Variants in LBP observed in about 807,000 individuals in gnomAD.
LBP encodes lipopolysaccharide-binding protein.
Under a neutral mutation model 56.6 loss-of-function variants are expected in LBP, and 53 were observed. The observed-to-expected ratio is 0.94, with a 90% CI of 0.75 to 1.18. The LOEUF (loss-of-function observed/expected upper bound fraction) is 1.18, where lower values mean the gene tolerates loss of function less well. Among genes scored for constraint, LBP ranks in the 50% most tolerant of loss-of-function variants. The pLI is 0.00. For missense variants in LBP, 601 were observed against 598.3 expected (o/e 1.00, Z -0.05); for synonymous variants, 227 against 247.5 (o/e 0.92, Z 0.78).
At position 38,373,980 on chromosome 20, in the gene LBP, T is replaced by A; in HGVS notation, c.1368T>A (p.Val456=). 1 of 1,614,072 alleles carries A rather than the reference T, an allele frequency of 6.2e-7. No individual in the cohort carries two copies. Among genetic ancestry groups the A allele is most frequent in the Non-Finnish European group, 8.5e-7 (1 of 1,179,960 alleles). ...EGFPLPLLKR[V]QLYDLGLQIH... is the part of the protein sequence containing the mutation. ...TCCCCCTTCCTCTGCTGAAGCGTGT[T>A]CAGCTCTACGACCTTGGGCTGCAGA... The change falls in exon 14 of 15, where the codon GTT becomes GTA. Residue 456 remains valine, a synonymous_variant. Coordinates refer to ENST00000217407, the MANE Select transcript of LBP (RefSeq NM_004139.5).
Position 38,361,335 on chromosome 20 carries a change from G to A in LBP, c.652+568G>A, listed in dbSNP as rs191480287. 2.2e-3 allele frequency among the ~76,000 whole-genome samples: 341 copies of A among 152,074 alleles called. 1 individual carries two copies. The highest frequency in any genetic ancestry group is 8.1e-3 in the African/African-American group (335 of 41,496). On this transcript the variant is annotated intron_variant, in intron 6 of 14. Coordinates refer to ENST00000217407, the MANE Select transcript of LBP (RefSeq NM_004139.5). ...TAGACATTCATGTATGTATTATTTT[G>A]TTCATGAATCTATGTGTATATGTAT...
chr20:38,351,008 A>G, intron 3 of LBP, 69 bp downstream of exon 3: 1 of 1,570,890 alleles, frequency 6.4e-7, no homozygotes, highest in Non-Finnish European at 8.7e-7. Flanking sequence ...TCTTAGGTCC[A>G]AGGTGTTCCT....
intron 14 of LBP, among the ~76,000 whole-genome samples, chr20:38,375,208 AGTTT>A (rs2083951643): frequency 2.7e-5 from 4 of 148,802 alleles, no homozygotes; most frequent in African/African-American, 9.9e-5. Context: ...TTTTTTTTTA[AGTTT>A]GTTTGTTTTG....
At chr20:38,372,475 G>C (rs2076903926) in intron 12 of LBP, among the ~76,000 whole-genome samples, 1 of 152,202 alleles carries the variant, frequency 6.6e-6, no homozygotes. Context: ...AATCCATCCT[G>C]TCGGGTTTTC....
At position 38,354,344 on chromosome 20, in the gene LBP, GT is replaced by G; in HGVS notation, c.431del (p.Leu144TrpfsTer35). On this transcript the variant is annotated frameshift_variant, in exon 4 of 15. Coordinates refer to ENST00000217407, the MANE Select transcript of LBP (RefSeq NM_004139.5). LOFTEE classifies it high-confidence loss of function. ...GCATCAGCATTTCGGTCAACCTCCTGTTGGGCAGCGAGTCCTCCGGGAGGCC... is the reference window on the plus strand; with the variant it reads ...GCATCAGCATTTCGGTCAACCTCCTGTGGGCAGCGAGTCCTCCGGGAGGCC... ...KGISISVNLLLGSESSGRPTV... is the reference protein window; with the variant it reads ...KGISISVNLLXGSESSGRPTV... The G allele has an allele frequency of 6.2e-7, 1 of 1,613,800 alleles. No individual in the cohort carries two copies.
chr20:38,348,944 C>T lies in LBP; in HGVS notation c.125-604C>T, dbSNP rs565848766. Among the ~76,000 whole-genome samples, 31 of 152,240 alleles carry T rather than the reference C, an allele frequency of 2.0e-4. No individual in the cohort carries two copies. In the East Asian group the frequency reaches 5.8e-3, roughly 28 times the overall value. ...GAGTAGCTGAGACTACAGGTGCCTGCCACCATGCCCGGCTAATTTTTGTAT... is the reference window on the plus strand; with the variant it reads ...GAGTAGCTGAGACTACAGGTGCCTGTCACCATGCCCGGCTAATTTTTGTAT... On this transcript the variant is annotated intron_variant, in intron 1 of 14. Transcript: ENST00000217407.
chr20:38,363,543 C>T (rs1394967966), intron 6 of LBP, among the ~76,000 whole-genome samples: 1 of 152,210 alleles, frequency 6.6e-6, no homozygotes, highest in Non-Finnish European at 1.5e-5. Flanking sequence ...ATCACCTTTA[C>T]CAGAGGTCCA....
chr20:38,376,590 C>T (rs1185095722), intron 14 of LBP, 35 bp from the exon 15 acceptor site: 9 of 1,589,194 alleles, frequency 5.7e-6, no homozygotes, highest in African/African-American at 4.0e-5. Context: ...GTAGAGGATG[C>T]TCTTTACCAT....
At chr20:38,376,060 C>T (rs944202748) in intron 14 of LBP, among the ~76,000 whole-genome samples, 3 of 152,130 alleles carry the variant, frequency 2.0e-5, no homozygotes, top group South Asian at 2.1e-4. Flanking sequence ...GGGACATAAC[C>T]GAAATGTCAG....
intron 3 of LBP, among the ~76,000 whole-genome samples, chr20:38,353,210 T>C (rs990150279): frequency 2.0e-5 from 3 of 152,212 alleles, no homozygotes; most frequent in Non-Finnish European, 2.9e-5. Context: ...TTTGAAAGTA[T>C]ACATTCAGTG....
intron 9 of LBP, among the ~76,000 whole-genome samples, chr20:38,367,162 A>G (rs986335541): frequency 1.3e-5 from 2 of 152,148 alleles, no homozygotes; most frequent in Non-Finnish European, 2.9e-5. Context: ...TCTTTAAAAA[A>G]TTATTTTTTG....
At chr20:38,362,023 G>A (rs2076861821) in intron 6 of LBP, among the ~76,000 whole-genome samples, 1 of 151,300 alleles carries the variant, frequency 6.6e-6, no homozygotes, top group African/African-American at 2.4e-5. Context: ...AGGGCTGGGC[G>A]CGGTGGCTCA....
At chr20:38,368,238 G>C (rs2076889484) in intron 9 of LBP, among the ~76,000 whole-genome samples, 1 of 152,102 alleles carries the variant, frequency 6.6e-6, no homozygotes, top group Non-Finnish European at 1.5e-5. Context: ...CTTGGGAGAG[G>C]TAGGGAGGGA....
intron 14 of LBP, among the ~76,000 whole-genome samples, chr20:38,374,784 CTT>C (rs587732305): frequency 1.6e-5 from 2 of 121,240 alleles, no homozygotes; most frequent in Admixed American, 8.4e-5. Context: ...ACCATATATA[CTT>C]TTTTTTTTTT....
At position 38,356,451 on chromosome 20, in the gene LBP, CACA is replaced by C. The variant is rs1568829292; in HGVS notation, c.588+1043_588+1045del. On this transcript the variant is annotated intron_variant, in intron 5 of 14. Coordinates refer to ENST00000217407, the MANE Select transcript of LBP (RefSeq NM_004139.5). ...ACACACACACACACACACACACACA[CACA>C]CCCTCGTCTGTAGGTCCAACCTCTG... 1.6e-3 allele frequency among the ~76,000 whole-genome samples: 187 copies of C among 120,234 alleles called. 2 individuals are homozygous for C. Among genetic ancestry groups the C allele is most frequent in the South Asian group, 3.1e-3 (12 of 3,850 alleles). 78.9% of individuals were successfully genotyped at this position (120,234 alleles called of 152,430 possible). A position where few individuals can be genotyped will look rare whatever the true frequency, so the allele number is the denominator to read the frequency against.
intron 5 of LBP, among the ~76,000 whole-genome samples, chr20:38,360,240 A>ACAG (rs34848670): frequency 0.056 from 8,315 of 149,366 alleles, 364 homozygotes; most frequent in Non-Finnish European, 0.079. Flanking sequence ...AGCCTGGCCA[A>ACAG]CAGGGCGAGA....
chr20:38,358,476 T>C (rs2076848948), intron 5 of LBP, among the ~76,000 whole-genome samples: 1 of 152,114 alleles, frequency 6.6e-6, no homozygotes, highest in Non-Finnish European at 1.5e-5. Flanking sequence ...GGCTACTGTC[T>C]GAAGGAAAGG....
rs749134504 is a variant in LBP, at chr20:38,364,722, A to C, written c.891A>C (p.Gly297=). 6.2e-7 allele frequency: 1 copy of C among 1,613,222 alleles called. No individual in the cohort carries two copies. Among genetic ancestry groups the C allele is most frequent in the Non-Finnish European group, 8.5e-7 (1 of 1,179,484 alleles). Residue 297 remains glycine (G), a synonymous_variant, in exon 8 of 15, where the codon GGA becomes GGC. Coordinates refer to ENST00000217407, the MANE Select transcript of LBP (RefSeq NM_004139.5). The stretch of plus-strand genomic sequence containing the variant: ...CCAGCCTGGTTTATCATGAGGAAGG[A>C]TATCTGAACTTCTCCATCACAGATG... ...NTASLVYHEE[G]YLNFSITDDM...
rs559622791 is a variant in LBP at position 38,355,195 on chromosome 20, A to G, written c.525-151A>G. The G allele has an allele frequency of 1.6e-5, 11 of 679,268 alleles. No individual in the cohort carries two copies. In the Admixed American group the frequency reaches 1.6e-4, roughly 10 times the overall value. The allele number at this position is 679,268 out of a possible 1,614,324, so 42.1% of individuals were successfully genotyped here. A position where few individuals can be genotyped will look rare whatever the true frequency, so the allele number is the denominator to read the frequency against. On this transcript the variant is annotated intron_variant, in intron 4 of 14. Coordinates refer to ENST00000217407, the MANE Select transcript of LBP (RefSeq NM_004139.5). ...GGCACTGGGAAGCCAGACACACCGA[A>G]TCAGGCTGGATGTGCTGGGACACAG...
Sources: allele counts gnomAD v4.1 joint callset (sites outside exome capture counted in the v4.1 genomes callset), GRCh38; gene constraint gnomAD v4.1.1; transcripts MANE v1.5; gene names NCBI Gene and HGNC (gene_info 2026-07-23, HGNC 2026-07-21).